Variants in KLB observed in about 807,000 individuals in gnomAD.
The protein encoded by KLB is beta-klotho.
KLB carries 44 observed loss-of-function variants against 88.4 expected under a neutral mutation model. The ratio of observed to expected loss-of-function variants is 0.50; its 90% CI spans 0.39 to 0.64. KLB has a LOEUF of 0.64. KLB is among the 30% of genes least tolerant of loss of function. KLB has a pLI of 0.00. For synonymous variants in KLB, 548 were observed against 513.4 expected, an observed-to-expected ratio of 1.07 and a Z score of -0.91; for missense variants, 1,137 against 1,304.8, an observed-to-expected ratio of 0.87 and a Z score of 1.98.
rs1047835206 is a variant in KLB, at chr4:39,448,977, T to A, written c.*291T>A. On this transcript the variant is annotated 3_prime_UTR_variant, in exon 5 of 5. Transcript: ENST00000257408. ...TCAACTGTATTCCATCATTCTGCTT[T>A]AGCTTTCATCTCTACCAATAGCTAC... 3 of 287,956 alleles carry A rather than the reference T, an allele frequency of 1.0e-5. No individual in the cohort carries two copies. Among genetic ancestry groups the A allele is most frequent in the African/African-American group, 2.2e-5 (1 of 46,454 alleles). 17.8% of individuals were successfully genotyped at this position (287,956 alleles called of 1,614,324 possible).
Position 39,446,978 on chromosome 4 carries a change from AC to A in KLB, c.2256del (p.Tyr753MetfsTer34), listed in dbSNP as rs1560654344. Reference sequence around the variant, plus strand: ...CACGCGGACTGGGCGGAACCCGCCAACCCCTATGCTGACTCGCACTGGAGGG... The same window carrying A: ...CACGCGGACTGGGCGGAACCCGCCAACCCTATGCTGACTCGCACTGGAGGG... ...SLHADWAEPANPYADSHWRAA... is the reference protein window; with the variant it reads ...SLHADWAEPAXPYADSHWRAA... On this transcript the variant is annotated frameshift_variant, in exon 4 of 5. Transcript: ENST00000257408. LOFTEE classifies it high-confidence loss of function. This position sits in a 1 kb window ranked among gnomAD's most constrained non-coding sequence, Gnocchi z 6.4. The A allele has an allele frequency of 6.2e-7, 1 of 1,608,554 alleles. No homozygotes were observed. The highest frequency in any genetic ancestry group is 8.5e-7 in the Non-Finnish European group (1 of 1,179,870).
At chr4:39,435,422 ATTT>A (rs970629307) in intron 2 of KLB, among the ~76,000 whole-genome samples, 1 of 136,328 alleles carries the variant, frequency 7.3e-6, no homozygotes, top group Non-Finnish European at 1.6e-5. Context: ...CCAGCCTGAA[ATTT>A]TTTTTTCTTT....
At chr4:39,432,870 C>A (rs1203348241) in intron 1 of KLB, among the ~76,000 whole-genome samples, 1 of 151,498 alleles carries the variant, frequency 6.6e-6, no homozygotes, top group East Asian at 1.9e-4. Flanking sequence ...CAGACAACAA[C>A]CTTATAGGGG....
chr4:39,425,641 A>G (rs555172847), intron 1 of KLB, among the ~76,000 whole-genome samples: 2 of 152,052 alleles, frequency 1.3e-5, no homozygotes, highest in Admixed American at 6.5e-5. Flanking sequence ...GAGTTTTGCC[A>G]TGTTGCCCAG....
chr4:39,407,169 C>G lies in KLB; in HGVS notation c.220C>G (p.Gln74Glu). 6.2e-7 allele frequency: 1 copy of G among 1,614,018 alleles called. No homozygotes were observed. The highest frequency in any genetic ancestry group is 1.1e-5 in the South Asian group (1 of 91,076). The change falls in exon 1 of 5, where the codon CAG becomes GAG. Residue 74 changes from glutamine to glutamate, a missense_variant. Around this residue, in one of 4 missense-constraint regions of KLB, gnomAD observed 111 missense variants for 118.3 expected, o/e 0.94. Coordinates refer to ENST00000257408, the MANE Select transcript of KLB (RefSeq NM_175737.4). The stretch of plus-strand genomic sequence containing the variant: ...TAATTTTACTCCGGTAAATGAAAGT[C>G]AGCTGTTTCTCTATGACACTTTCCC... Reference protein sequence around the residue: ...NPNFTPVNESQLFLYDTFPKN... With the variant: ...NPNFTPVNESELFLYDTFPKN...
chr4:39,434,089 C>A lies in KLB; in HGVS notation c.826-121C>A. 6 of 930,172 alleles carry A rather than the reference C, an allele frequency of 6.5e-6. No individual in the cohort carries two copies. The South Asian group carries it at 1.0e-4, about 16-fold the overall frequency. 57.6% of individuals were successfully genotyped at this position (930,172 alleles called of 1,614,324 possible). ...CTTTGAGGTCATCAGGGCTCCCTGGCAGCTTTCCCCTGAATCACTGTACGC... is the reference window on the plus strand; with the variant it reads ...CTTTGAGGTCATCAGGGCTCCCTGGAAGCTTTCCCCTGAATCACTGTACGC... On this transcript the variant is annotated intron_variant, in intron 1 of 4. Coordinates refer to ENST00000257408, the MANE Select transcript of KLB (RefSeq NM_175737.4).
chr4:39,447,847 T>TA (rs1261094493), intron 4 of KLB, among the ~76,000 whole-genome samples: 1 of 152,192 alleles, frequency 6.6e-6, no homozygotes, highest in African/African-American at 2.4e-5. Context: ...AATGTTTCGA[T>TA]ACAAGCATGC....
At chr4:39,412,165 A>G (rs1742867256) in intron 1 of KLB, among the ~76,000 whole-genome samples, 1 of 152,028 alleles carries the variant, frequency 6.6e-6, no homozygotes, top group Admixed American at 6.6e-5. Flanking sequence ...TCACCGTTAT[A>G]CAATTCATCC....
rs904200225 is a variant in KLB, at chr4:39,407,678, T to C, written c.729T>C (p.Tyr243=). ...ATTGGATTACAATTCACAACCCATA[T>C]CTAGTGGCTTGGCATGGGTATGGGA... The part of the protein sequence containing the change: ...VKYWITIHNP[Y]LVAWHGYGTG... The change falls in exon 1 of 5, where the codon TAT becomes TAC. Residue 243 remains tyrosine (Y), a synonymous_variant. Transcript: ENST00000257408. The C allele has an allele frequency of 2.5e-6, 4 of 1,613,900 alleles. No individual in the cohort carries two copies. The African/African-American group carries it at 4.0e-5, about 16-fold the overall frequency.
chr4:39,433,580 C>CTTCA (rs372621056), intron 1 of KLB, among the ~76,000 whole-genome samples: 13,432 of 152,170 alleles, frequency 0.088, 1,672 homozygotes, highest in African/African-American at 0.28. Flanking sequence ...CTGCTCTGGG[C>CTTCA]CAGGCGCGAT....
rs769736203 is a variant in KLB, at chr4:39,446,555, G to T, written c.1829G>T (p.Gly610Val). ...ALDWASVLPT[G>V]NLSAVNRQAL... is the part of the protein sequence containing the mutation. The stretch of plus-strand genomic sequence containing the variant: ...GATTGGGCCTCGGTCCTTCCCACTG[G>T]CAACCTGTCCGCGGTGAACCGACAG... The change falls in exon 4 of 5, where the codon GGC becomes GTC. Residue 610 changes from glycine (G) to valine (V), a missense_variant. Physicochemically the swap from Gly to Val is moderately radical, Grantham distance 109 (BLOSUM62 -3). Around this residue, in one of 4 missense-constraint regions of KLB, gnomAD observed 597 missense variants for 765.2 expected, o/e 0.78. Coordinates refer to ENST00000257408, the MANE Select transcript of KLB (RefSeq NM_175737.4). The surrounding 1 kb of genome is among the most constrained non-coding windows in gnomAD (Gnocchi z 6.4). The T allele has an allele frequency of 1.9e-6, 3 of 1,614,206 alleles. No individual in the cohort carries two copies. The highest frequency in any genetic ancestry group is 2.5e-6 in the Non-Finnish European group (3 of 1,180,042).
chr4:39,439,582 C>T (rs1351011401), intron 3 of KLB, among the ~76,000 whole-genome samples: 1 of 152,050 alleles, frequency 6.6e-6, no homozygotes, highest in African/African-American at 2.4e-5. Flanking sequence ...TCTCCTGCCT[C>T]CCTAGTTCAA....
chr4:39,446,758 T>C lies in KLB; in HGVS notation c.2032T>C (p.Phe678Leu). Residue 678 changes from phenylalanine to leucine, a missense_variant, in exon 4 of 5, where the codon TTC becomes CTC. Phe to Leu is a conservative substitution (Grantham distance 22, BLOSUM62 0). This residue lies in a region of KLB where 597 missense variants were observed against 765.2 expected (regional missense o/e 0.78). Transcript: ENST00000257408. This position sits in a 1 kb window ranked among gnomAD's most constrained non-coding sequence, Gnocchi z 6.4. ...CTTCCAGGCCTACGCTGGGCTGTGC[T>C]TCCAGGAGCTGGGGGACCTGGTGAA... ...EAFQAYAGLC[F>L]QELGDLVKLW... 1 of 1,607,094 alleles carries C rather than the reference T, an allele frequency of 6.2e-7. No individual in the cohort carries two copies. Among genetic ancestry groups the C allele is most frequent in the Non-Finnish European group, 8.5e-7 (1 of 1,176,708 alleles).
rs771061096 is a variant in KLB at position 39,447,150 on chromosome 4, G to T, written c.2424G>T (p.Glu808Asp). ...GCTCGGCCCTGCCGCGCCTCACCGA[G>T]GCCGAAAGGAGGCTGCTCAAGGGCA... ...LSSSALPRLTEAERRLLKGTV... is the reference protein window; with the variant it reads ...LSSSALPRLTDAERRLLKGTV... The change falls in exon 4 of 5, where the codon GAG becomes GAT. Residue 808 changes from glutamate (E) to aspartate (D), a missense_variant. Physicochemically the swap from Glu to Asp is conservative, Grantham distance 45. Transcript: ENST00000257408. 1 of 1,613,752 alleles carries T rather than the reference G, an allele frequency of 6.2e-7. No individual in the cohort carries two copies. The highest frequency in any genetic ancestry group is 8.5e-7 in the Non-Finnish European group (1 of 1,180,034).
rs924776985 is a variant in KLB at position 39,434,495 on chromosome 4, G to A, written c.1111G>A (p.Ala371Thr). Reference sequence around the variant, plus strand: ...GATGAGAGGCACAGCTGATTTCTTTGCCTTTTCTTTTGGACCCAACAACTT... The same window carrying A: ...GATGAGAGGCACAGCTGATTTCTTTACCTTTTCTTTTGGACCCAACAACTT... The part of the protein sequence containing the change: ...HEMRGTADFF[A>T]FSFGPNNFKP... Residue 371 changes from alanine to threonine, a missense_variant, in exon 2 of 5, where the codon GCC becomes ACC. Around this residue, in one of 4 missense-constraint regions of KLB, gnomAD observed 597 missense variants for 765.2 expected, o/e 0.78. Coordinates refer to ENST00000257408, the MANE Select transcript of KLB (RefSeq NM_175737.4). 4.3e-5 allele frequency: 69 copies of A among 1,614,022 alleles called. No homozygotes were observed. The highest frequency in any genetic ancestry group is 5.8e-5 in the Non-Finnish European group (69 of 1,180,032).
chr4:39,448,657 T>C lies in KLB; in HGVS notation c.3106T>C (p.Leu1036=). 1 of 1,611,502 alleles carries C rather than the reference T, an allele frequency of 6.2e-7. No individual in the cohort carries two copies. The highest frequency in any genetic ancestry group is 2.2e-5 in the East Asian group (1 of 44,870). Residue 1036 remains leucine (L), a synonymous_variant, in exon 5 of 5, where the codon TTA becomes CTA. Transcript: ENST00000257408. ...AGCAAAAAACTTACAACACATACCA[T>C]TAAAGAAAGGCAAGAGAGTTGTTAG... ...WKAKNLQHIP[L]KKGKRVVS
At position 39,446,569 on chromosome 4, in the gene KLB, G is replaced by A; in HGVS notation, c.1843G>A (p.Val615Met). The part of the protein sequence containing the change: ...SVLPTGNLSA[V>M]NRQALRYYRC... ...CCTTCCCACTGGCAACCTGTCCGCG[G>A]TGAACCGACAGGCCCTGAGGTACTA... Residue 615 changes from valine to methionine, a missense_variant, in exon 4 of 5, where the codon GTG becomes ATG. Physicochemically the swap from Val to Met is conservative, Grantham distance 21. Coordinates refer to ENST00000257408, the MANE Select transcript of KLB (RefSeq NM_175737.4). The surrounding 1 kb of genome is among the most constrained non-coding windows in gnomAD (Gnocchi z 6.4). 1.2e-6 allele frequency: 2 copies of A among 1,614,238 alleles called. No individual in the cohort carries two copies. Among genetic ancestry groups the A allele is most frequent in the Non-Finnish European group, 1.7e-6 (2 of 1,180,038 alleles).
intron 1 of KLB, among the ~76,000 whole-genome samples, chr4:39,430,424 G>T (rs553478054): frequency 1.5e-5 from 1 of 65,166 alleles, no homozygotes; most frequent in Non-Finnish European, 3.9e-5. Flanking sequence ...AAAAAAAAGC[G>T]GTTCTCAAGA....
chr4:39,409,348 A>C (rs1315921989), intron 1 of KLB, among the ~76,000 whole-genome samples: 1 of 148,792 alleles, frequency 6.7e-6, no homozygotes, highest in Non-Finnish European at 1.5e-5. Context: ...GCTGGAGTGC[A>C]ATGGCGCAGT....
Sources: allele counts gnomAD v4.1 joint callset (sites outside exome capture counted in the v4.1 genomes callset), GRCh38; gene constraint gnomAD v4.1.1; regional missense constraint gnomAD v4.1.1; non-coding constraint Gnocchi (gnomAD v3.1); transcripts MANE v1.5; gene names NCBI Gene and HGNC (gene_info 2026-07-23, HGNC 2026-07-21).